Variants in CTTN observed in about 807,000 individuals in gnomAD.
CTTN encodes cortactin, also known as src substrate cortactin.
Under a neutral mutation model 84.0 loss-of-function variants are expected in CTTN, and 28 were observed. The observed-to-expected ratio is 0.33, with a 90% CI of 0.25 to 0.46. The LOEUF (loss-of-function observed/expected upper bound fraction) is 0.46. Among genes scored for constraint, CTTN ranks in the 20% least tolerant of loss-of-function variants. The probability of loss-of-function intolerance (pLI) is 1.00; values close to 1 mark genes in which losing one functional copy is unlikely to be tolerated. For missense variants in CTTN, 641 were observed against 723.8 expected (o/e 0.89, Z 1.31); for synonymous variants, 301 against 288.8 (o/e 1.04, Z -0.43).
chr11:70,403,961 A>G (rs1380226982), intron 1 of CTTN, among the ~76,000 whole-genome samples: 1 of 152,022 alleles, frequency 6.6e-6, no homozygotes, highest in Non-Finnish European at 1.5e-5. Flanking sequence ...GCTCACTGCA[A>G]CCTTGAGCTC....
At chr11:70,415,635 C>T in intron 6 of CTTN, 28 bp from the exon 7 acceptor site, 1 of 1,604,114 alleles carries the variant, frequency 6.2e-7, no homozygotes, top group African/African-American at 1.3e-5. Context: ...TTTCTCCCCA[C>T]TTTTTCATGT....
At chr11:70,431,069 T>G in intron 14 of CTTN, 122 bp from the exon 15 acceptor site, 1 of 963,312 alleles carries the variant, frequency 1.0e-6, no homozygotes, top group African/African-American at 1.6e-5. Context: ...TTGGTGTGGG[T>G]GTTTTCCACT....
At chr11:70,432,231 CT>C (rs2058360968) in intron 15 of CTTN, among the ~76,000 whole-genome samples, 1 of 152,218 alleles carries the variant, frequency 6.6e-6, no homozygotes, top group Admixed American at 6.5e-5. Flanking sequence ...CGGCCTCCCC[CT>C]CTAGTCCCTC....
At chr11:70,417,713 C>A (rs551959826) in intron 8 of CTTN, among the ~76,000 whole-genome samples, 14 of 152,122 alleles carry the variant, frequency 9.2e-5, no homozygotes, top group Non-Finnish European at 1.3e-4. Context: ...CCAGGCTGGT[C>A]TTGAATTCCT....
intron 11 of CTTN, chr11:70,422,249 A>G: frequency 2.9e-6 from 1 of 348,422 alleles, no homozygotes; most frequent in South Asian, 2.2e-5. Flanking sequence ...CTGAACACAT[A>G]ATTGGAAAAA....
intron 1 of CTTN, among the ~76,000 whole-genome samples, chr11:70,400,887 G>A (rs1358683143): frequency 1.3e-5 from 2 of 152,202 alleles, no homozygotes; most frequent in African/African-American, 2.4e-5. Context: ...TGTTGGGGGC[G>A]GGGTTTCCCT....
At chr11:70,430,865 G>A (rs1054674622) in intron 14 of CTTN, among the ~76,000 whole-genome samples, 4 of 151,712 alleles carry the variant, frequency 2.6e-5, no homozygotes, top group East Asian at 2.0e-4. Flanking sequence ...GTGTGATCTC[G>A]GCCTCAGAGC....
Position 70,425,441 on chromosome 11 carries a change from C to T in CTTN, c.1027+40C>T, listed in dbSNP as rs113747805. The T allele has an allele frequency of 5.1e-5, 75 of 1,481,914 alleles. 1 individual carries two copies. The African/African-American group carries it at 8.4e-4, about 17-fold the overall frequency. 91.8% of individuals were successfully genotyped at this position (1,481,914 alleles called of 1,614,324 possible). A position where few individuals can be genotyped will look rare whatever the true frequency, so the allele number is the denominator to read the frequency against. Reference sequence around the variant, plus strand: ...ATACCAGGAGCACCGTGTGGTTTCCCAGGAAAACACTGAGGGGAAGGACAG... The same window carrying T: ...ATACCAGGAGCACCGTGTGGTTTCCTAGGAAAACACTGAGGGGAAGGACAG... On this transcript the variant is annotated intron_variant, in intron 13 of 17. Coordinates refer to ENST00000301843, the MANE Select transcript of CTTN (RefSeq NM_005231.4).
chr11:70,433,872 G>A (rs994411889), intron 17 of CTTN, among the ~76,000 whole-genome samples, 154 bp downstream of exon 17: 3 of 152,154 alleles, frequency 2.0e-5, no homozygotes, highest in African/African-American at 7.2e-5. Flanking sequence ...CAGGTATAGT[G>A]CCAAGAACTC....
At chr11:70,407,852 T>C in intron 4 of CTTN, 2 of 460,420 alleles carry the variant, frequency 4.3e-6, no homozygotes, top group South Asian at 7.2e-5. Flanking sequence ...TCCGTATTTA[T>C]AATTTTAGAG....
chr11:70,403,882 A>G (rs1353867853), intron 1 of CTTN, among the ~76,000 whole-genome samples: 2 of 151,956 alleles, frequency 1.3e-5, no homozygotes, highest in Non-Finnish European at 2.9e-5. Flanking sequence ...TATTTACTTT[A>G]TGATTGATTT....
At chr11:70,420,659 C>G in intron 10 of CTTN, 149 bp downstream of exon 10, 1 of 667,778 alleles carries the variant, frequency 1.5e-6, no homozygotes, top group Admixed American at 2.1e-5. Context: ...CCCCCCAATC[C>G]CCCAGTTCCC....
At chr11:70,403,720 G>A (rs1005580872) in intron 1 of CTTN, among the ~76,000 whole-genome samples, 11 of 152,064 alleles carry the variant, frequency 7.2e-5, no homozygotes, top group Non-Finnish European at 1.6e-4. Flanking sequence ...TTTTGAGGTA[G>A]GGCTCTAGAG....
At chr11:70,430,009 T>A (rs1440755217) in intron 14 of CTTN, among the ~76,000 whole-genome samples, 1 of 152,192 alleles carries the variant, frequency 6.6e-6, no homozygotes, top group African/African-American at 2.4e-5. Flanking sequence ...TTTGGGTGTT[T>A]AACCTGTGGA....
At chr11:70,405,757 C>T (rs1315689306) in intron 2 of CTTN, among the ~76,000 whole-genome samples, 2 of 152,184 alleles carry the variant, frequency 1.3e-5, no homozygotes, top group African/African-American at 2.4e-5. Context: ...CCCCGATGAG[C>T]CTGAAAAAGT....
At chr11:70,408,191 T>C (rs1225708136) in intron 4 of CTTN, 3 of 152,226 alleles carry the variant, frequency 2.0e-5, no homozygotes, top group South Asian at 2.1e-4. Context: ...CAGACTTTTA[T>C]TTTAGGCCAC....
rs371683051 is a variant in CTTN at position 70,433,268 on chromosome 11, C to T, written c.1434C>T (p.His478=). ...AVYESAEAPG[H]YPAEDSTYDE... is the part of the protein sequence containing the mutation. ...ATGAAAGCGCAGAGGCCCCGGGCCA[C>T]TATCCCGCAGGTACTGGGGCCCCAC... is the stretch of plus-strand genomic sequence containing the variant. Residue 478 remains histidine (H), a synonymous_variant, in exon 16 of 18, where the codon CAC becomes CAT. Coordinates refer to ENST00000301843, the MANE Select transcript of CTTN (RefSeq NM_005231.4). 3.5e-4 allele frequency: 569 copies of T among 1,610,376 alleles called. No individual in the cohort carries two copies. The highest frequency in any genetic ancestry group is 4.6e-4 in the Non-Finnish European group (538 of 1,179,134).
rs951352918 is a variant in CTTN, at chr11:70,421,808, G to A, written c.901+228G>A. 36 of 516,320 alleles carry A rather than the reference G, an allele frequency of 7.0e-5. 1 individual carries two copies. In the South Asian group the frequency reaches 7.2e-4, roughly 10 times the overall value. 32.0% of individuals were successfully genotyped at this position (516,320 alleles called of 1,614,324 possible). A position where few individuals can be genotyped will look rare whatever the true frequency, so the allele number is the denominator to read the frequency against. On this transcript the variant is annotated intron_variant, in intron 11 of 17. Coordinates refer to ENST00000301843, the MANE Select transcript of CTTN (RefSeq NM_005231.4). The stretch of plus-strand genomic sequence containing the variant: ...TTGTGATCTGTGTATGGCAGGATGC[G>A]CCAGTTAGTGTGTGGGTGCCATCTT...
At position 70,433,097 on chromosome 11, in the gene CTTN, C is replaced by G. The variant is rs760734817; in HGVS notation, c.1267-4C>G. 6.2e-7 allele frequency: 1 copy of G among 1,612,914 alleles called. No individual in the cohort carries two copies. Among genetic ancestry groups the G allele is most frequent in the East Asian group, 2.2e-5 (1 of 44,864 alleles). On this transcript the variant is annotated splice_region_variant and splice_polypyrimidine_tract_variant and intron_variant, in intron 15 of 17. Coordinates refer to ENST00000301843, the MANE Select transcript of CTTN (RefSeq NM_005231.4). ...CGTGCCATGTGCGTGTGACCCTTCC[C>G]CAGGATGCGGCTTCCTTCAAGGCAG...
Sources: allele counts gnomAD v4.1 joint callset (sites outside exome capture counted in the v4.1 genomes callset), GRCh38; gene constraint gnomAD v4.1.1; transcripts MANE v1.5; gene names NCBI Gene and HGNC (gene_info 2026-07-23, HGNC 2026-07-21).